The following MED13 variants were observed in gnomAD, a reference collection of about 807,000 sequenced individuals.
The protein encoded by MED13 is mediator complex subunit 13.
MED13 carries 23 observed loss-of-function variants against 225.2 expected under a neutral mutation model. That is an observed-to-expected ratio of 0.10 (90% CI 0.07 to 0.14). The LOEUF (loss-of-function observed/expected upper bound fraction) is 0.14. Among genes scored for constraint, MED13 ranks in the 10% least tolerant of loss-of-function variants. The pLI is 1.00. For synonymous variants in MED13, 942 were observed against 889.2 expected, an observed-to-expected ratio of 1.06 and a Z score of -1.06; for missense variants, 2,197 against 2,594.5, an observed-to-expected ratio of 0.85 and a Z score of 3.33.
chr17:61,943,053 A>C lies in MED13; in HGVS notation c.*3415T>G, dbSNP rs1603388491. 6.6e-6 allele frequency: 1 copy of C among 152,616 alleles called. No individual in the cohort carries two copies. The highest frequency in any genetic ancestry group is 1.9e-4 in the East Asian group (1 of 5,206). 9.5% of individuals were successfully genotyped at this position (152,616 alleles called of 1,614,324 possible). A position where few individuals can be genotyped will look rare whatever the true frequency, so the allele number is the denominator to read the frequency against. On this transcript the variant is annotated 3_prime_UTR_variant, in exon 30 of 30. Transcript: ENST00000397786. Reference sequence around the variant, plus strand: ...TTATACTCCACAAAAAAGAAAATACATACATAAAAATTTAAACCACAGTTC... The same window carrying C: ...TTATACTCCACAAAAAAGAAAATACCTACATAAAAATTTAAACCACAGTTC...
chr17:62,041,419 A>G (rs1230461942), intron 3 of MED13, among the ~76,000 whole-genome samples: 2 of 152,194 alleles, frequency 1.3e-5, no homozygotes, highest in Non-Finnish European at 2.9e-5. Context: ...ATAAAATTTT[A>G]TGAGTACACA....
intron 9 of MED13, among the ~76,000 whole-genome samples, chr17:62,000,636 G>A (rs1015498715): frequency 6.6e-6 from 1 of 152,132 alleles, no homozygotes; most frequent in South Asian, 2.1e-4. Context: ...TCTACATACA[G>A]AGCTTCTCAT....
intron 4 of MED13, among the ~76,000 whole-genome samples, chr17:62,035,215 T>A (rs1044625119): frequency 6.6e-6 from 1 of 152,182 alleles, no homozygotes; most frequent in Admixed American, 6.6e-5. Context: ...AAATCCATTA[T>A]GCTATCTAAA....
chr17:62,004,346 T>C (rs192835679), intron 9 of MED13: 6 of 152,312 alleles, frequency 3.9e-5, no homozygotes, highest in Non-Finnish European at 7.4e-5. Context: ...AGATATATGC[T>C]AAGAAGAAAT....
intron 9 of MED13, among the ~76,000 whole-genome samples, chr17:62,002,364 C>T (rs1320862772): frequency 1.3e-5 from 2 of 151,990 alleles, no homozygotes; most frequent in African/African-American, 2.4e-5. Context: ...TGGCACACGC[C>T]TGTAATCCCA....
At chr17:61,979,213 C>T (rs940252296) in intron 16 of MED13, among the ~76,000 whole-genome samples, 1 of 152,154 alleles carries the variant, frequency 6.6e-6, no homozygotes, top group African/African-American at 2.4e-5. Context: ...AATAGTATCA[C>T]TAAGATTCAT....
chr17:61,944,746 A>C lies in MED13; in HGVS notation c.*1722T>G, dbSNP rs912198380. On this transcript the variant is annotated 3_prime_UTR_variant, in exon 30 of 30. Coordinates refer to ENST00000397786, the MANE Select transcript of MED13 (RefSeq NM_005121.3). ...AATACAACTGATTTTGTCCTTGTAG[A>C]TAATTAGTGAACGTACAAATAGAAA... 1 of 152,616 alleles carries C rather than the reference A, an allele frequency of 6.6e-6. No homozygotes were observed. Among genetic ancestry groups the C allele is most frequent in the Non-Finnish European group, 1.5e-5 (1 of 68,030 alleles). 9.5% of individuals were successfully genotyped at this position (152,616 alleles called of 1,614,324 possible).
intron 15 of MED13, among the ~76,000 whole-genome samples, chr17:61,983,713 TATCC>T (rs2080224240): frequency 6.6e-6 from 1 of 151,018 alleles, no homozygotes; most frequent in African/African-American, 2.4e-5. Flanking sequence ...CCTAATAGTT[TATCC>T]ATACCCAATT....
At chr17:61,967,121 C>T (rs2080065664) in intron 18 of MED13, among the ~76,000 whole-genome samples, 1 of 152,124 alleles carries the variant, frequency 6.6e-6, no homozygotes, top group Non-Finnish European at 1.5e-5. Context: ...CTGTGAGTCA[C>T]TGATTTTTGT....
chr17:61,962,117 C>T (rs372683732), intron 21 of MED13, among the ~76,000 whole-genome samples: 20 of 152,186 alleles, frequency 1.3e-4, no homozygotes, highest in African/African-American at 4.8e-4. Flanking sequence ...GAAACCCTGT[C>T]TCTACTAAAA....
chr17:61,978,827 T>C (rs965785663), intron 16 of MED13, among the ~76,000 whole-genome samples: 4 of 152,230 alleles, frequency 2.6e-5, no homozygotes, highest in African/African-American at 4.8e-5. Flanking sequence ...ATTTGGTCCC[T>C]GAGAATGAAT....
chr17:62,037,914 C>A (rs1217216891), intron 3 of MED13, among the ~76,000 whole-genome samples: 1 of 127,030 alleles, frequency 7.9e-6, no homozygotes, highest in Non-Finnish European at 1.6e-5. Flanking sequence ...TGAGATCTTG[C>A]CACTGCACTT....
At chr17:62,004,373 G>T (rs1401214659) in intron 9 of MED13, 1 of 152,158 alleles carries the variant, frequency 6.6e-6, no homozygotes, top group Non-Finnish European at 1.5e-5. Flanking sequence ...CAGCATACAG[G>T]ATAGGCAGTG....
Position 61,982,576 on chromosome 17 carries a change from C to T in MED13, c.3427G>A (p.Glu1143Lys). Residue 1143 changes from glutamate (E) to lysine (K), a missense_variant, in exon 16 of 30, where the codon GAA (glutamate) becomes AAA (lysine). Coordinates refer to ENST00000397786, the MANE Select transcript of MED13 (RefSeq NM_005121.3). ...CGTCCTATGATATCTAGTTCATCTTCAAGAAATAATCCTGAATTGTTTCCA... is the reference window on the plus strand; with the variant it reads ...CGTCCTATGATATCTAGTTCATCTTTAAGAAATAATCCTGAATTGTTTCCA... The part of the protein sequence containing the change: ...KFGNNSGLFL[E>K]DELDIIGRNT... The T allele has an allele frequency of 6.2e-7, 1 of 1,614,138 alleles. No homozygotes were observed. The highest frequency in any genetic ancestry group is 1.1e-5 in the South Asian group (1 of 91,082).
chr17:61,958,925 A>G (rs1383982345), intron 23 of MED13, among the ~76,000 whole-genome samples: 1 of 152,190 alleles, frequency 6.6e-6, no homozygotes, highest in African/African-American at 2.4e-5. Context: ...TCTCAGCTGC[A>G]TAAGGGTAGT....
chr17:61,996,199 C>T (rs2080345436), intron 9 of MED13, among the ~76,000 whole-genome samples: 1 of 152,262 alleles, frequency 6.6e-6, no homozygotes, highest in Non-Finnish European at 1.5e-5. Context: ...TACCAAAGAA[C>T]CCTGGAAAGC....
intron 11 of MED13, among the ~76,000 whole-genome samples, chr17:61,989,828 A>C (rs1439070282): frequency 2.6e-5 from 4 of 152,340 alleles, no homozygotes; most frequent in Non-Finnish European, 5.9e-5. Context: ...CTTTTTGCTC[A>C]AGACTGCTTT....
intron 9 of MED13, among the ~76,000 whole-genome samples, chr17:62,001,022 A>G (rs1209285357): frequency 1.3e-5 from 2 of 152,150 alleles, no homozygotes; most frequent in Non-Finnish European, 2.9e-5. Flanking sequence ...TCGGCCTCCC[A>G]AAGTGCTGGG....
chr17:62,054,493 C>T (rs529103836), intron 2 of MED13, among the ~76,000 whole-genome samples: 8 of 152,044 alleles, frequency 5.3e-5, no homozygotes, highest in African/African-American at 1.4e-4. Flanking sequence ...AAAACCAAAA[C>T]GTTTATGGGT....
Sources: gnomAD v4.1 joint callset for allele counts (sites outside exome capture counted in the v4.1 genomes callset) on GRCh38, gnomAD v4.1.1 for gene constraint, MANE v1.5 for transcripts, NCBI Gene and HGNC (gene_info 2026-07-23, HGNC 2026-07-21) for gene names.